The following PTPRD variants were observed in gnomAD, a reference collection of about 807,000 sequenced individuals.
The protein encoded by PTPRD is protein tyrosine phosphatase receptor type D, also known as receptor-type tyrosine-protein phosphatase delta.
In PTPRD, 34 loss-of-function variants were observed where a neutral mutation model predicts 214.5. The ratio of observed to expected loss-of-function variants is 0.16; its 90% CI spans 0.12 to 0.21. The LOEUF is 0.21. PTPRD is among the 10% of genes least tolerant of loss of function. The pLI, the probability that PTPRD is intolerant of heterozygous loss-of-function variation, is 1.00. For synonymous variants in PTPRD, 1,128 were observed against 845.7 expected (o/e 1.33, Z -5.79); for missense variants, 2,545 against 2,398.7 (o/e 1.06, Z -1.27).
At chr9:10,466,395 G>A (rs149176213) in intron 2 of PTPRD, among the ~76,000 whole-genome samples, 2,760 of 151,996 alleles carry the variant, frequency 0.018, 42 homozygotes, top group South Asian at 0.072. Context: ...AGGCTGAGGC[G>A]GGAGGACCAC....
chr9:8,317,776 A>G lies in PTPRD; in HGVS notation c.*98T>C. 1 of 1,009,488 alleles carries G rather than the reference A, an allele frequency of 9.9e-7. No homozygotes were observed. Among genetic ancestry groups the G allele is most frequent in the Non-Finnish European group, 1.5e-6 (1 of 653,106 alleles). The allele number at this position is 1,009,488 out of a possible 1,614,324, so 62.5% of individuals were successfully genotyped here. ...GTCCCACTAAGTAGTTGTTAGCTAG[A>G]AGTTAAGAAGGACTTCTCAAGTGCC... On this transcript the variant is annotated 3_prime_UTR_variant, in exon 46 of 46. Transcript: ENST00000381196.
chr9:10,398,973 C>A (rs910920165), intron 2 of PTPRD, among the ~76,000 whole-genome samples: 14 of 151,942 alleles, frequency 9.2e-5, no homozygotes, highest in African/African-American at 2.4e-4. Context: ...ATGGGAATCT[C>A]CTAACACAGT....
chr9:8,415,598 C>T (rs1239631933), intron 35 of PTPRD, among the ~76,000 whole-genome samples: 1 of 151,840 alleles, frequency 6.6e-6, no homozygotes, highest in Non-Finnish European at 1.5e-5. Flanking sequence ...CACAATTCAA[C>T]CATGATACGT....
intron 39 of PTPRD, among the ~76,000 whole-genome samples, chr9:8,374,740 G>GT (rs1366224413): frequency 6.6e-6 from 1 of 151,862 alleles, no homozygotes; most frequent in Non-Finnish European, 1.5e-5. Flanking sequence ...TAAATACAAG[G>GT]TAATGTTATT....
intron 3 of PTPRD, among the ~76,000 whole-genome samples, chr9:10,077,927 G>T (rs1457140171): frequency 1.3e-5 from 2 of 151,330 alleles, no homozygotes. Flanking sequence ...CATAATGTTA[G>T]TATTACTATA....
chr9:9,877,425 T>C (rs1289439350), intron 5 of PTPRD, among the ~76,000 whole-genome samples: 1 of 136,130 alleles, frequency 7.3e-6, no homozygotes, highest in African/African-American at 3.7e-5. Flanking sequence ...GAAACTTTAA[T>C]TTGTGATATG....
intron 3 of PTPRD, among the ~76,000 whole-genome samples, chr9:10,245,457 T>C (rs189010876): frequency 6.6e-6 from 1 of 152,282 alleles, no homozygotes; most frequent in Admixed American, 6.5e-5. Flanking sequence ...AATGCATACC[T>C]ATCTGTTCAA....
rs547655882 is a variant in PTPRD at position 9,110,934 on chromosome 9, G to T, written c.-143+72370C>A. On this transcript the variant is annotated intron_variant, in intron 10 of 45. Coordinates refer to ENST00000381196, the MANE Select transcript of PTPRD (RefSeq NM_002839.4). ...CAACAGAGTAGTTGTGACAGAGACTGTATGGCCCACAATATCTAAATTAAT... is the reference window on the plus strand; with the variant it reads ...CAACAGAGTAGTTGTGACAGAGACTTTATGGCCCACAATATCTAAATTAAT... Among the ~76,000 whole-genome samples, 87 of 152,236 alleles carry T rather than the reference G, an allele frequency of 5.7e-4. 1 individual carries two copies. Among genetic ancestry groups the T allele is most frequent in the African/African-American group, 2.0e-3 (85 of 41,542 alleles).
At chr9:10,441,313 A>G (rs1300467466) in intron 2 of PTPRD, among the ~76,000 whole-genome samples, 2 of 151,772 alleles carry the variant, frequency 1.3e-5, no homozygotes, top group East Asian at 3.9e-4. Flanking sequence ...ACAAGTACTA[A>G]GAGACCAAGA....
In PTPRD at chr9:8,449,738, G is replaced by C. The variant is rs747115658; in HGVS notation, c.3975C>G (p.Asn1325Lys). 1 of 1,614,038 alleles carries C rather than the reference G, an allele frequency of 6.2e-7. No individual in the cohort carries two copies. Among genetic ancestry groups the C allele is most frequent in the East Asian group, 2.2e-5 (1 of 44,878 alleles). Residue 1325 changes from asparagine to lysine, a missense_variant, in exon 34 of 46, where the codon AAC becomes AAG. Physicochemically the swap from Asn to Lys is moderately conservative, Grantham distance 94. Coordinates refer to ENST00000381196, the MANE Select transcript of PTPRD (RefSeq NM_002839.4). Reference protein sequence around the residue: ...PTDPVELRRLNFQTPGMASHP... With the variant: ...PTDPVELRRLKFQTPGMASHP... The stretch of plus-strand genomic sequence containing the variant: ...GATGCTTCTTACCCGGTGTTTGAAA[G>C]TTAAGGCGCCTCAGTTCTACAGGGT...
chr9:10,060,871 TCCTTCCTTCCTTCCTTCCTTCCTTC>T (rs2097758978), intron 3 of PTPRD, among the ~76,000 whole-genome samples: 2 of 71,156 alleles, frequency 2.8e-5, no homozygotes, highest in African/African-American at 3.2e-4. Flanking sequence ...CTTCCTTCTT[TCCTTCCTTCCTTCCTTCCTTCCTTC>T]CTTCTTTCTT....
intron 11 of PTPRD, among the ~76,000 whole-genome samples, chr9:9,004,161 C>T (rs1360064356): frequency 2.0e-5 from 3 of 151,928 alleles, no homozygotes; most frequent in African/African-American, 7.3e-5. Flanking sequence ...CAGAACTCCT[C>T]AAATTATTGT....
chr9:9,707,684 T>C (rs1219828662), intron 7 of PTPRD, among the ~76,000 whole-genome samples: 1 of 152,168 alleles, frequency 6.6e-6, no homozygotes, highest in Non-Finnish European at 1.5e-5. Context: ...AAAATACAAC[T>C]TTTTTCTAAA....
chr9:9,451,514 T>C (rs754512865), intron 8 of PTPRD, among the ~76,000 whole-genome samples: 3 of 151,680 alleles, frequency 2.0e-5, no homozygotes, highest in Admixed American at 6.6e-5. Context: ...AACTTCAATA[T>C]AGCCTCAAAT....
At chr9:10,019,786 G>A (rs963680216) in intron 4 of PTPRD, among the ~76,000 whole-genome samples, 2 of 150,022 alleles carry the variant, frequency 1.3e-5, no homozygotes, top group African/African-American at 4.8e-5. Context: ...GTGGGGTGGG[G>A]GGGAGCTGGG....
chr9:9,662,949 T>C (rs1024911790), intron 7 of PTPRD, among the ~76,000 whole-genome samples: 2 of 151,608 alleles, frequency 1.3e-5, no homozygotes, highest in Non-Finnish European at 3.0e-5. Flanking sequence ...TACAGTTTAA[T>C]GGAGGCATCA....
chr9:9,967,623 T>C (rs2094797311), intron 4 of PTPRD, among the ~76,000 whole-genome samples: 1 of 152,178 alleles, frequency 6.6e-6, no homozygotes, highest in Admixed American at 6.5e-5. Context: ...TTTAAGAGAC[T>C]TTCCTGAAGT....
At chr9:9,936,185 A>G (rs1023240678) in intron 5 of PTPRD, among the ~76,000 whole-genome samples, 2 of 148,938 alleles carry the variant, frequency 1.3e-5, no homozygotes, top group African/African-American at 5.1e-5. Flanking sequence ...CTTCATGTCT[A>G]AAACACCAAA....
chr9:9,913,234 G>A (rs993141103), intron 5 of PTPRD, among the ~76,000 whole-genome samples: 2 of 152,120 alleles, frequency 1.3e-5, no homozygotes, highest in Admixed American at 1.3e-4. Context: ...TAGCTACAGA[G>A]CAACACTGAA....
Sources: gnomAD v4.1 joint callset for allele counts (sites outside exome capture counted in the v4.1 genomes callset) on GRCh38, gnomAD v4.1.1 for gene constraint, MANE v1.5 for transcripts, NCBI Gene and HGNC (gene_info 2026-07-23, HGNC 2026-07-21) for gene names.